The following TBX15 variants were observed in gnomAD, a reference collection of about 807,000 sequenced individuals.
TBX15 encodes T-box transcription factor 15.
Under a neutral mutation model 53.9 loss-of-function variants are expected in TBX15, and 18 were observed. The observed-to-expected ratio is 0.33, with a 90% confidence interval of 0.23 to 0.49. The LOEUF is 0.49. Ranked by LOEUF, TBX15 falls within the 20% of genes least tolerant of loss-of-function variation. TBX15 has a pLI of 0.98. For missense variants in TBX15, 692 were observed against 749.5 expected (o/e 0.92, Z 0.90); for synonymous variants, 295 against 278.0 (o/e 1.06, Z -0.61).
intron 1 of TBX15, among the ~76,000 whole-genome samples, chr1:118,938,698 G>C (rs1003170661): frequency 1.3e-5 from 2 of 152,144 alleles, no homozygotes; most frequent in Non-Finnish European, 1.5e-5. Flanking sequence ...ATTCTGACTG[G>C]TGTGAGATAG....
At chr1:118,893,360 A>AAG (rs1557872549) in intron 7 of TBX15, among the ~76,000 whole-genome samples, 489 of 28,082 alleles carry the variant, frequency 0.017, 24 homozygotes, top group African/African-American at 0.067. Flanking sequence ...AAGGAAGGAA[A>AAG]GAAAGAAAGA....
At chr1:118,893,243 AAAGAAAGAAAGG>A (rs1364535989) in intron 7 of TBX15, among the ~76,000 whole-genome samples, 1 of 145,744 alleles carries the variant, frequency 6.9e-6, no homozygotes, top group South Asian at 2.2e-4. Context: ...TGTTGAAAAG[AAAGAAAGAAAGG>A]AAGAAAGAAA....
intron 1 of TBX15, among the ~76,000 whole-genome samples, chr1:118,970,251 T>C (rs181201428): frequency 2.0e-5 from 3 of 152,338 alleles, no homozygotes; most frequent in Non-Finnish European, 2.9e-5. Flanking sequence ...TACAGCCTCC[T>C]TGTGTAAGTT....
intron 5 of TBX15, among the ~76,000 whole-genome samples, chr1:118,914,679 A>G (rs1655141203): frequency 6.6e-6 from 1 of 152,190 alleles, no homozygotes. Context: ...AATTGACTGC[A>G]TTTGCCATTT....
At chr1:118,901,904 C>T (rs1188440694) in intron 6 of TBX15, among the ~76,000 whole-genome samples, 1 of 152,114 alleles carries the variant, frequency 6.6e-6, no homozygotes, top group Non-Finnish European at 1.5e-5. Context: ...CCTATGGACA[C>T]ATATGTAATC....
Position 118,923,532 on chromosome 1 carries a change from A to G in TBX15, c.765T>C (p.Leu255=), listed in dbSNP as rs1370496564. 6.2e-7 allele frequency: 1 copy of G among 1,613,984 alleles called. No individual in the cohort carries two copies. The highest frequency in any genetic ancestry group is 8.5e-7 in the Non-Finnish European group (1 of 1,179,928). ...HVIRKDFSSD[L]SPTKPVPVGD... is the part of the protein sequence containing the mutation. ...CAACAGGAACAGGCTTAGTGGGTGA[A>G]AGGTCACTGCTGAAGTCTTTGCGAA... is the stretch of plus-strand genomic sequence containing the variant. The change falls in exon 5 of 8, where the codon CTT becomes CTC. Residue 255 remains leucine, a synonymous_variant. Transcript: ENST00000369429.
chr1:118,971,961 A>G (rs1241053756), intron 1 of TBX15, among the ~76,000 whole-genome samples: 2 of 152,370 alleles, frequency 1.3e-5, no homozygotes, highest in African/African-American at 4.8e-5. Flanking sequence ...AGCCTTGATT[A>G]ATGGTCAAGT....
intron 6 of TBX15, among the ~76,000 whole-genome samples, chr1:118,907,821 C>T (rs1348898064): frequency 6.6e-6 from 1 of 152,190 alleles, no homozygotes; most frequent in African/African-American, 2.4e-5. Context: ...CTCAACCAAA[C>T]CTCATTCTGC....
intron 6 of TBX15, among the ~76,000 whole-genome samples, chr1:118,905,546 A>T (rs1003467738): frequency 5.9e-5 from 9 of 152,232 alleles, no homozygotes; most frequent in African/African-American, 2.2e-4. Context: ...CAGCTGGATC[A>T]TCTGCCAGAA....
At chr1:118,935,164 A>T (rs1275102761) in intron 1 of TBX15, among the ~76,000 whole-genome samples, 1 of 152,200 alleles carries the variant, frequency 6.6e-6, no homozygotes, top group Admixed American at 6.5e-5. Flanking sequence ...AATAAAATTT[A>T]ATCTTTTGTA....
chr1:118,955,468 G>A (rs1656657707), intron 1 of TBX15, among the ~76,000 whole-genome samples: 1 of 152,040 alleles, frequency 6.6e-6, no homozygotes, highest in Non-Finnish European at 1.5e-5. Flanking sequence ...GAATAATGGG[G>A]GATGCTAATA....
intron 7 of TBX15, among the ~76,000 whole-genome samples, chr1:118,886,535 T>A (rs1427918692): frequency 2.0e-5 from 3 of 152,192 alleles, no homozygotes; most frequent in Non-Finnish European, 4.4e-5. Flanking sequence ...CTACCTCGGA[T>A]GAACTAAAGG....
At position 118,899,112 on chromosome 1, in the gene TBX15, C is replaced by T. The variant is rs1654528753; in HGVS notation, c.940G>A (p.Ala314Thr). ...CAGAATGCATATGTCTCCATGATGG[C>T]TTCAAGTCCAGTTCTGACAAGAGAA... The part of the protein sequence containing the change: ...DSGRNRTGLE[A>T]IMETYAFWRP... The change falls in exon 7 of 8, where the codon GCC becomes ACC. Residue 314 changes from alanine to threonine, a missense_variant. Transcript: ENST00000369429. 2 of 1,613,520 alleles carry T rather than the reference C, an allele frequency of 1.2e-6. No individual in the cohort carries two copies. The highest frequency in any genetic ancestry group is 1.3e-5 in the African/African-American group (1 of 74,994).
intron 5 of TBX15, 143 bp from the exon 6 acceptor site, chr1:118,914,322 G>C (rs1779450): frequency 1.2e-6 from 1 of 861,492 alleles, no homozygotes; most frequent in Non-Finnish European, 1.8e-6. Context: ...TTAATTTGAA[G>C]CTGGATATAG....
rs1653870331 is a variant in TBX15 at position 118,884,855 on chromosome 1, C to T, written c.1686G>A (p.Met562Ile). Residue 562 changes from methionine to isoleucine, a missense_variant, in exon 8 of 8, where the codon ATG becomes ATA. Met to Ile is a conservative substitution (Grantham distance 10). Around this residue, in one of 3 missense-constraint regions of TBX15, gnomAD observed 375 missense variants for 371.6 expected, o/e 1.01. Coordinates refer to ENST00000369429, the MANE Select transcript of TBX15 (RefSeq NM_001330677.2). ...FGERQYLPSG[M>I]EHSMHMISPS... Reference sequence around the variant, plus strand: ...GGCTAATCATGTGCATGCTGTGCTCCATCCCTGACGGCAGGTACTGCCTCT... The same window carrying T: ...GGCTAATCATGTGCATGCTGTGCTCTATCCCTGACGGCAGGTACTGCCTCT... 1 of 1,614,058 alleles carries T rather than the reference C, an allele frequency of 6.2e-7. No homozygotes were observed. The highest frequency in any genetic ancestry group is 1.3e-5 in the African/African-American group (1 of 74,934).
At chr1:118,948,093 C>T (rs1317351713) in intron 1 of TBX15, among the ~76,000 whole-genome samples, 1 of 152,084 alleles carries the variant, frequency 6.6e-6, no homozygotes, top group Non-Finnish European at 1.5e-5. Flanking sequence ...TAGCATCTGA[C>T]CATCTCCCCA....
intron 5 of TBX15, 94 bp from the exon 6 acceptor site, chr1:118,914,273 C>T (rs980299105): frequency 1.7e-6 from 2 of 1,147,708 alleles, no homozygotes; most frequent in Admixed American, 1.9e-5. Context: ...TTTTTAATAA[C>T]AGTTGTTGCT....
At position 118,988,002 on chromosome 1, in the gene TBX15, G is replaced by T; in HGVS notation, c.-207C>A. 1 of 659,812 alleles carries T rather than the reference G, an allele frequency of 1.5e-6. No individual in the cohort carries two copies. Among genetic ancestry groups the T allele is most frequent in the Non-Finnish European group, 2.5e-6 (1 of 396,754 alleles). The allele number at this position is 659,812 out of a possible 1,614,324, so 40.9% of individuals were successfully genotyped here. A position where few individuals can be genotyped will look rare whatever the true frequency, so the allele number is the denominator to read the frequency against. On this transcript the variant is annotated 5_prime_UTR_variant, in exon 1 of 8. Coordinates refer to ENST00000369429, the MANE Select transcript of TBX15 (RefSeq NM_001330677.2). Reference sequence around the variant, plus strand: ...CGGATCCGACCTGCGCCCCTACGCTGGCCCAGCTGCTAGGAACTAGCGCCC... The same window carrying T: ...CGGATCCGACCTGCGCCCCTACGCTTGCCCAGCTGCTAGGAACTAGCGCCC...
chr1:118,985,424 C>G (rs751217349), intron 1 of TBX15, among the ~76,000 whole-genome samples: 54 of 152,216 alleles, frequency 3.5e-4, no homozygotes, highest in Non-Finnish European at 5.1e-4. Context: ...AGTCTGGAGC[C>G]GACAGCTCCA....
Sources: gnomAD v4.1 joint callset for allele counts (sites outside exome capture counted in the v4.1 genomes callset) on GRCh38, gnomAD v4.1.1 for gene constraint, gnomAD v4.1.1 regional missense constraint, MANE v1.5 for transcripts, NCBI Gene and HGNC (gene_info 2026-07-23, HGNC 2026-07-21) for gene names.